SPOCK3: variants seen among roughly 807,000 people sequenced by gnomAD.
The protein encoded by SPOCK3 is SPARC (osteonectin), cwcv and kazal like domains proteoglycan 3.
A neutral mutation model predicts 56.6 loss-of-function variants in SPOCK3; 30 were observed. The ratio of observed to expected loss-of-function variants is 0.53; its 90% CI spans 0.40 to 0.72. The LOEUF is 0.72. Ranked by LOEUF, SPOCK3 falls within the 30% of genes least tolerant of loss-of-function variation. SPOCK3 has a pLI of 0.00. For missense variants in SPOCK3, 527 were observed against 530.0 expected (o/e 0.99, Z 0.06); for synonymous variants, 196 against 183.3 (o/e 1.07, Z -0.56).
intron 2 of SPOCK3, among the ~76,000 whole-genome samples, chr4:167,135,680 C>CGTGTGTGTGTGTGTGTGT: frequency 6.8e-6 from 1 of 147,772 alleles, no homozygotes; most frequent in South Asian, 2.2e-4. Flanking sequence ...CTATATAAAA[C>CGTGTGTGTGTGTGTGTGT]GTGTGTGTGT....
chr4:167,165,245 A>C (rs1765657085), intron 2 of SPOCK3, among the ~76,000 whole-genome samples: 1 of 152,188 alleles, frequency 6.6e-6, no homozygotes, highest in African/African-American at 2.4e-5. Flanking sequence ...TCTGCACAGC[A>C]AAAGAAACCA....
chr4:166,752,314 T>G (rs1222418170), intron 8 of SPOCK3, among the ~76,000 whole-genome samples: 1 of 152,108 alleles, frequency 6.6e-6, no homozygotes, highest in African/African-American at 2.4e-5. Flanking sequence ...TGAGCAACTG[T>G]GCCCAGCTGA....
At chr4:167,031,635 A>G (rs1752283146) in intron 3 of SPOCK3, among the ~76,000 whole-genome samples, 1 of 152,104 alleles carries the variant, frequency 6.6e-6, no homozygotes, top group Non-Finnish European at 1.5e-5. Flanking sequence ...GCAAAGAAAA[A>G]CTAGAGACAA....
intron 2 of SPOCK3, among the ~76,000 whole-genome samples, chr4:167,229,961 A>G (rs1381126716): frequency 6.6e-6 from 1 of 152,084 alleles, no homozygotes; most frequent in African/African-American, 2.4e-5. Flanking sequence ...TTGAAAAACA[A>G]ATTTAATTTA....
At chr4:167,169,813 AG>A (rs1395254913) in intron 2 of SPOCK3, among the ~76,000 whole-genome samples, 1 of 152,136 alleles carries the variant, frequency 6.6e-6, no homozygotes, top group Non-Finnish European at 1.5e-5. Context: ...AGGTGGAGCC[AG>A]GTGGCAATAA....
intron 4 of SPOCK3, among the ~76,000 whole-genome samples, chr4:166,936,777 C>A (rs1354439502): frequency 6.6e-6 from 1 of 151,882 alleles, no homozygotes; most frequent in Non-Finnish European, 1.5e-5. Context: ...ATTCTACTGT[C>A]TTGAGTTAAA....
intron 2 of SPOCK3, among the ~76,000 whole-genome samples, chr4:167,170,793 G>T (rs1730433315): frequency 6.6e-6 from 1 of 152,154 alleles, no homozygotes; most frequent in Admixed American, 6.6e-5. Context: ...TCATGTTTCA[G>T]AATGTGGAGG....
rs570565829 is a variant in SPOCK3, at chr4:167,135,085, T to C, written c.190-72548A>G. On this transcript the variant is annotated intron_variant, in intron 2 of 10. Transcript: ENST00000357545. ...ACACATATAAATATAAATATATATA[T>C]AAAATATGTGTTTAATATATTAAAT... Among the ~76,000 whole-genome samples the C allele has an allele frequency of 3.3e-5, 5 of 149,784 alleles. No homozygotes were observed. In the South Asian group the frequency reaches 8.3e-4, roughly 25 times the overall value.
At chr4:167,050,684 G>T (rs62352385) in intron 3 of SPOCK3, among the ~76,000 whole-genome samples, 17,035 of 152,090 alleles carry the variant, frequency 0.11, 1,125 homozygotes, top group East Asian at 0.17. Flanking sequence ...CAAAATGTGG[G>T]ATATACATAC....
chr4:166,898,725 AAAG>A (rs1427985785), intron 5 of SPOCK3, among the ~76,000 whole-genome samples: 3 of 152,208 alleles, frequency 2.0e-5, no homozygotes, highest in African/African-American at 7.2e-5. Context: ...ATTCATGTGT[AAAG>A]AAGTTTTCTT....
intron 2 of SPOCK3, among the ~76,000 whole-genome samples, chr4:167,077,240 A>G (rs994486505): frequency 1.3e-5 from 2 of 151,692 alleles, no homozygotes; most frequent in Admixed American, 6.6e-5. Flanking sequence ...ATATAGAGAG[A>G]TAAGTTTTCA....
chr4:167,032,552 A>T (rs1483481637), intron 3 of SPOCK3, among the ~76,000 whole-genome samples: 5 of 151,938 alleles, frequency 3.3e-5, no homozygotes, highest in Non-Finnish European at 7.4e-5. Flanking sequence ...AAAGTATCTT[A>T]TGTCACTCTC....
intron 2 of SPOCK3, among the ~76,000 whole-genome samples, chr4:167,076,095 A>G (rs1757155132): frequency 6.6e-6 from 1 of 151,974 alleles, no homozygotes; most frequent in Non-Finnish European, 1.5e-5. Context: ...CATTCTGGAA[A>G]AGGTAAAACT....
rs116697530 is a variant in SPOCK3, at chr4:166,956,414, T to A, written c.351-43671A>T. ...AAGGGTTACTTGAACACACCCACTG[T>A]AATACCTCAGCAGTAGATCCAATAA... On this transcript the variant is annotated intron_variant, in intron 4 of 10. Transcript: ENST00000357545. Among the ~76,000 whole-genome samples, 585 of 152,170 alleles carry A rather than the reference T, an allele frequency of 3.8e-3. 1 individual carries two copies. The highest frequency in any genetic ancestry group is 6.0e-3 in the Non-Finnish European group (408 of 67,974).
At chr4:167,150,829 G>A (rs1356235743) in intron 2 of SPOCK3, among the ~76,000 whole-genome samples, 1 of 152,072 alleles carries the variant, frequency 6.6e-6, no homozygotes, top group African/African-American at 2.4e-5. Context: ...TGATACCCAC[G>A]GTCAATATTG....
Position 166,807,308 on chromosome 4 carries a change from TA to T in SPOCK3, c.590-15020del, listed in dbSNP as rs372411472. Reference sequence around the variant, plus strand: ...GGACTGAGTGACTATGCATAAAGCCTAAAAAAAAAAAAAAAGAACAGGGTCA... The same window carrying T: ...GGACTGAGTGACTATGCATAAAGCCTAAAAAAAAAAAAAAGAACAGGGTCA... On this transcript the variant is annotated intron_variant, in intron 6 of 10. Coordinates refer to ENST00000357545, the MANE Select transcript of SPOCK3 (RefSeq NM_001040159.2). Among the ~76,000 whole-genome samples, 622 of 129,586 alleles carry T rather than the reference TA, an allele frequency of 4.8e-3. 2 individuals are homozygous for T. Among genetic ancestry groups the T allele is most frequent in the Admixed American group, 6.1e-3 (77 of 12,626 alleles). 85.0% of individuals were successfully genotyped at this position (129,586 alleles called of 152,430 possible). A position where few individuals can be genotyped will look rare whatever the true frequency, so the allele number is the denominator to read the frequency against.
rs533006817 is a variant in SPOCK3 at position 167,170,713 on chromosome 4, C to A, written c.189+63272G>T. On this transcript the variant is annotated intron_variant, in intron 2 of 10. Transcript: ENST00000357545. ...GTCTCTATCAAGTTTTTAAGTTTAC[C>A]TTTTCTTAAGAAAACTTGATAAAGA... Among the ~76,000 whole-genome samples the A allele has an allele frequency of 2.0e-5, 3 of 152,202 alleles. No homozygotes were observed. In the East Asian group the frequency reaches 5.8e-4, roughly 29 times the overall value.
At chr4:167,128,501 C>T (rs1762464041) in intron 2 of SPOCK3, among the ~76,000 whole-genome samples, 3 of 152,080 alleles carry the variant, frequency 2.0e-5, no homozygotes, top group Non-Finnish European at 4.4e-5. Context: ...TGCCTACTGC[C>T]CATTCCCGTA....
At chr4:167,071,620 T>C (rs919601398) in intron 2 of SPOCK3, among the ~76,000 whole-genome samples, 3 of 151,802 alleles carry the variant, frequency 2.0e-5, no homozygotes, top group African/African-American at 7.3e-5. Context: ...TGTGCCACAT[T>C]TTCTTAATCC....
Sources: gnomAD v4.1 joint callset for allele counts (sites outside exome capture counted in the v4.1 genomes callset) on GRCh38, gnomAD v4.1.1 for gene constraint, MANE v1.5 for transcripts, NCBI Gene and HGNC (gene_info 2026-07-23, HGNC 2026-07-21) for gene names.